ARMC9: variants seen among roughly 807,000 people sequenced by gnomAD.
ARMC9 encodes the protein armadillo repeat containing 9.
ARMC9 carries 94 observed loss-of-function variants against 107.0 expected under a neutral mutation model. That is an observed-to-expected ratio of 0.88 (90% CI 0.74 to 1.04). The LOEUF (loss-of-function observed/expected upper bound fraction) is 1.04. ARMC9 is among the 50% of genes least tolerant of loss of function. ARMC9 has a pLI of 0.00. For synonymous variants in ARMC9, 380 were observed against 396.9 expected, an observed-to-expected ratio of 0.96 and a Z score of 0.51; for missense variants, 942 against 1,030.1, an observed-to-expected ratio of 0.91 and a Z score of 1.17.
intron 3 of ARMC9, among the ~76,000 whole-genome samples, chr2:231,211,909 A>G (rs2032920683): frequency 6.6e-6 from 1 of 152,198 alleles, no homozygotes; most frequent in Non-Finnish European, 1.5e-5. Flanking sequence ...GATTGTCACA[A>G]GCATATCTTT....
At chr2:231,239,861 A>C in intron 8 of ARMC9, 82 bp from the exon 9 acceptor site, 1 of 1,159,642 alleles carries the variant, frequency 8.6e-7, no homozygotes, top group Non-Finnish European at 1.3e-6. Flanking sequence ...TTGAGAGACC[A>C]CTCTAACAAT....
At chr2:231,203,384 T>G (rs1319263559) in intron 1 of ARMC9, among the ~76,000 whole-genome samples, 1 of 152,174 alleles carries the variant, frequency 6.6e-6, no homozygotes, top group African/African-American at 2.4e-5. Flanking sequence ...GTCTGCAGAT[T>G]GTGCCTCTTC....
At chr2:231,257,365 G>A (rs1432687500) in intron 10 of ARMC9, among the ~76,000 whole-genome samples, 2 of 152,180 alleles carry the variant, frequency 1.3e-5, no homozygotes, top group African/African-American at 2.4e-5. Flanking sequence ...GTCTGATGCT[G>A]TGGTGGCAAG....
chr2:231,303,804 G>A (rs1464997306), intron 19 of ARMC9, among the ~76,000 whole-genome samples: 1 of 152,138 alleles, frequency 6.6e-6, no homozygotes, highest in East Asian at 1.9e-4. Flanking sequence ...GGGTGTGATG[G>A]TGCATGCTTG....
chr2:231,371,564 GC>G lies in ARMC9; in HGVS notation c.*31del. ...TGTCCCCGGGTGTCCCCATCACGTT[GC>G]CGGAGGACCAGCCAGCTTCCCGCTC... On this transcript the variant is annotated 3_prime_UTR_variant, in exon 25 of 25. Coordinates refer to ENST00000611582, the MANE Select transcript of ARMC9 (RefSeq NM_001352754.2). 8.1e-7 allele frequency: 1 copy of G among 1,232,856 alleles called. No individual in the cohort carries two copies. The highest frequency in any genetic ancestry group is 1.6e-5 in the African/African-American group (1 of 62,212). 76.4% of individuals were successfully genotyped at this position (1,232,856 alleles called of 1,614,324 possible).
At chr2:231,226,698 A>G (rs569629998) in intron 6 of ARMC9, 76 bp from the exon 7 acceptor site, 4 of 1,525,830 alleles carry the variant, frequency 2.6e-6, no homozygotes, top group Admixed American at 1.7e-5. Context: ...GCTTTCTCAC[A>G]TTGGCCACAG....
At chr2:231,340,815 G>A (rs1559486360) in intron 20 of ARMC9, among the ~76,000 whole-genome samples, 1 of 152,194 alleles carries the variant, frequency 6.6e-6, no homozygotes, top group Non-Finnish European at 1.5e-5. Flanking sequence ...TTGAACCCGG[G>A]AGACGGAGGT....
intron 3 of ARMC9, among the ~76,000 whole-genome samples, chr2:231,209,991 T>G (rs192926832): frequency 6.6e-6 from 1 of 152,322 alleles, no homozygotes; most frequent in East Asian, 1.9e-4. Context: ...GCCTTATTAT[T>G]TTAACAGATT....
intron 17 of ARMC9, chr2:231,288,786 G>A (rs985383129): frequency 1.5e-5 from 7 of 466,552 alleles, no homozygotes; most frequent in African/African-American, 1.2e-4. Flanking sequence ...TGACTCCAGA[G>A]CCCTCTGCAC....
intron 12 of ARMC9, among the ~76,000 whole-genome samples, chr2:231,264,560 C>T (rs938614011): frequency 1.3e-4 from 20 of 151,730 alleles, no homozygotes; most frequent in Non-Finnish European, 2.8e-4. Context: ...TGCAGTGGCA[C>T]GATCTCGGCT....
At chr2:231,279,809 C>T (rs2040067174) in intron 16 of ARMC9, among the ~76,000 whole-genome samples, 1 of 152,104 alleles carries the variant, frequency 6.6e-6, no homozygotes. Context: ...CATGCCTGGC[C>T]CGTCTGTTCC....
chr2:231,274,886 G>T (rs1438746465), intron 14 of ARMC9, among the ~76,000 whole-genome samples: 1 of 152,168 alleles, frequency 6.6e-6, no homozygotes, highest in African/African-American at 2.4e-5. Context: ...AACTGTAAGT[G>T]CTGCAGAGTC....
At chr2:231,262,088 C>A (rs1281389816) in intron 11 of ARMC9, among the ~76,000 whole-genome samples, 1 of 152,154 alleles carries the variant, frequency 6.6e-6, no homozygotes, top group Non-Finnish European at 1.5e-5. Context: ...TCCCAAATTG[C>A]TGGGATTACA....
At chr2:231,336,393 C>A (rs1479173097) in intron 20 of ARMC9, among the ~76,000 whole-genome samples, 1 of 152,064 alleles carries the variant, frequency 6.6e-6, no homozygotes, top group East Asian at 1.9e-4. Flanking sequence ...TAGAGGAGGG[C>A]GCTGAGGCTG....
intron 9 of ARMC9, among the ~76,000 whole-genome samples, chr2:231,254,653 T>TA (rs1310943468): frequency 0.012 from 1,279 of 109,762 alleles, 6 homozygotes; most frequent in African/African-American, 0.021. Context: ...ACCCTATCTA[T>TA]AAAAAAAAAA....
chr2:231,308,939 G>A (rs986883454), intron 19 of ARMC9, among the ~76,000 whole-genome samples: 5 of 152,224 alleles, frequency 3.3e-5, no homozygotes, highest in Non-Finnish European at 5.9e-5. Context: ...CTCGCTTGGC[G>A]TGGCACAGGC....
intron 7 of ARMC9, among the ~76,000 whole-genome samples, chr2:231,231,983 C>G (rs1032636056): frequency 1.3e-5 from 2 of 151,892 alleles, no homozygotes; most frequent in African/African-American, 2.4e-5. Context: ...GCCACTGTTC[C>G]CGGCTGAAAA....
At chr2:231,208,012 C>G in intron 2 of ARMC9, 115 bp from the exon 3 acceptor site, 1 of 575,896 alleles carries the variant, frequency 1.7e-6, no homozygotes, top group South Asian at 2.3e-5. Flanking sequence ...TTTCATGTAT[C>G]TGTTGGTCTT....
chr2:231,211,554 C>T (rs535400716), intron 3 of ARMC9, among the ~76,000 whole-genome samples: 13 of 151,924 alleles, frequency 8.6e-5, no homozygotes, highest in Middle Eastern at 3.4e-3. Flanking sequence ...AATAGTGCTG[C>T]AGTGAACGTG....
Sources: gnomAD v4.1 joint callset for allele counts (sites outside exome capture counted in the v4.1 genomes callset) on GRCh38, gnomAD v4.1.1 for gene constraint, MANE v1.5 for transcripts, NCBI Gene and HGNC (gene_info 2026-07-23, HGNC 2026-07-21) for gene names.